The following ZNF19 variants were observed in gnomAD, a reference collection of about 807,000 sequenced individuals.
ZNF19 encodes zinc finger protein 19 (KOX 12).
A neutral mutation model predicts 13.1 loss-of-function variants in ZNF19; 11 were observed. That is an observed-to-expected ratio of 0.84 (90% confidence interval 0.53 to 1.39). The LOEUF is 1.39. Among genes scored for constraint, ZNF19 ranks in the 40% most tolerant of loss-of-function variants. ZNF19 has a pLI of 0.00. For synonymous variants in ZNF19, 186 were observed against 187.0 expected (o/e 0.99, Z 0.04); for missense variants, 560 against 547.0 (o/e 1.02, Z -0.24).
At chr16:71,476,358 AAG>A (rs1567569467) in intron 5 of ZNF19, 86 bp from the exon 6 acceptor site, 8 of 1,404,158 alleles carry the variant, frequency 5.7e-6, no homozygotes, top group Non-Finnish European at 7.6e-6. Context: ...AAGGCTTTAA[AAG>A]AGATCATTTC....
chr16:71,475,091 C>A lies in ZNF19; in HGVS notation c.*79G>T. On this transcript the variant is annotated 3_prime_UTR_variant, in exon 6 of 6. Transcript: ENST00000288177. ...TGTGGCTTGAGGGATGGATCAGAGG[C>A]TGAGTCAGGCCTGTGTCACACATTC... 6.9e-7 allele frequency: 1 copy of A among 1,447,116 alleles called. No individual in the cohort carries two copies. The highest frequency in any genetic ancestry group is 9.2e-7 in the Non-Finnish European group (1 of 1,088,432). 89.6% of individuals were successfully genotyped at this position (1,447,116 alleles called of 1,614,324 possible).
chr16:71,488,385 AGAAAT>A (rs1048158988), intron 1 of ZNF19, among the ~76,000 whole-genome samples: 6 of 151,750 alleles, frequency 4.0e-5, no homozygotes, highest in Non-Finnish European at 5.9e-5. Flanking sequence ...AAAAAGAAAA[AGAAAT>A]GAAATGAAAG....
At chr16:71,479,127 G>C (rs1474610975) in intron 3 of ZNF19, 122 bp from the exon 4 acceptor site, 1 of 1,385,884 alleles carries the variant, frequency 7.2e-7, no homozygotes, top group South Asian at 1.2e-5. Context: ...ATGAGAAAAT[G>C]TGACAGAACT....
In ZNF19 at chr16:71,482,218, C is replaced by T. The variant is rs2043641603; in HGVS notation, c.-29-75G>A. The T allele has an allele frequency of 2.8e-6, 4 of 1,404,896 alleles. No individual in the cohort carries two copies. The Admixed American group carries it at 5.8e-5, about 20-fold the overall frequency. The allele number at this position is 1,404,896 out of a possible 1,614,324, so 87.0% of individuals were successfully genotyped here. ...GCTCTCTTTAGAGCAATAAATTTGC[C>T]AATAGCAAGCAGCATTCACTTACTA... On this transcript the variant is annotated intron_variant, in intron 2 of 5. Coordinates refer to ENST00000288177, the MANE Select transcript of ZNF19 (RefSeq NM_006961.4).
In ZNF19 at chr16:71,475,119, T is replaced by C; in HGVS notation, c.*51A>G. 6.7e-7 allele frequency: 1 copy of C among 1,503,458 alleles called. No homozygotes were observed. The highest frequency in any genetic ancestry group is 8.9e-7 in the Non-Finnish European group (1 of 1,123,326). 93.1% of individuals were successfully genotyped at this position (1,503,458 alleles called of 1,614,324 possible). On this transcript the variant is annotated 3_prime_UTR_variant, in exon 6 of 6. Transcript: ENST00000288177. ...AGTCAGGCCTGTGTCACACATTCCA[T>C]TCCTGAGTAGAAGACGGAATCCACT...
intron 1 of ZNF19, among the ~76,000 whole-genome samples, chr16:71,487,720 T>G (rs1440936384): frequency 6.6e-6 from 1 of 152,184 alleles, no homozygotes; most frequent in African/African-American, 2.4e-5. Context: ...ATGGCATATT[T>G]ACTGTTACTT....
At chr16:71,481,925 G>T (rs1198117065) in intron 3 of ZNF19, among the ~76,000 whole-genome samples, 157 bp downstream of exon 3, 2 of 152,150 alleles carry the variant, frequency 1.3e-5, no homozygotes, top group Non-Finnish European at 2.9e-5. Flanking sequence ...CATCTTCACT[G>T]CCCCTAGCTC....
chr16:71,482,731 TCTCA>T (rs1164394949), intron 2 of ZNF19, among the ~76,000 whole-genome samples: 9 of 152,084 alleles, frequency 5.9e-5, no homozygotes, highest in African/African-American at 2.2e-4. Context: ...GAGACAAGAA[TCTCA>T]CTGTCACCTG....
chr16:71,482,844 G>C (rs563097819), intron 2 of ZNF19, among the ~76,000 whole-genome samples: 2 of 152,202 alleles, frequency 1.3e-5, no homozygotes, highest in Non-Finnish European at 2.9e-5. Flanking sequence ...TGGGATTACA[G>C]GCATGTGCCA....
intron 1 of ZNF19, among the ~76,000 whole-genome samples, chr16:71,485,799 T>C (rs373869948): frequency 1.3e-5 from 2 of 152,170 alleles, no homozygotes; most frequent in African/African-American, 2.4e-5. Flanking sequence ...TAAAATTAAA[T>C]AGGTTTTAGT....
chr16:71,482,198 C>G, intron 2 of ZNF19, 55 bp from the exon 3 acceptor site: 1 of 1,545,342 alleles, frequency 6.5e-7, no homozygotes, highest in Non-Finnish European at 8.9e-7. Flanking sequence ...AAAATGCTCT[C>G]TTTAGAGCAA....
At chr16:71,482,171 A>T in intron 2 of ZNF19, 28 bp from the exon 3 acceptor site, 1 of 1,609,324 alleles carries the variant, frequency 6.2e-7, no homozygotes, top group Non-Finnish European at 8.5e-7. Flanking sequence ...GAGAACCAAC[A>T]GTGAGCTCAG....
rs2145167984 is a variant in ZNF19, at chr16:71,478,552, G to A, written c.161-211C>T. The A allele has an allele frequency of 5.8e-6, 4 of 694,082 alleles. 1 individual carries two copies. In the South Asian group the frequency reaches 6.0e-5, roughly 10 times the overall value. The allele number at this position is 694,082 out of a possible 1,614,324, so 43.0% of individuals were successfully genotyped here. On this transcript the variant is annotated intron_variant, in intron 4 of 5. Coordinates refer to ENST00000288177, the MANE Select transcript of ZNF19 (RefSeq NM_006961.4). The stretch of plus-strand genomic sequence containing the variant: ...ATAAGTAAGTCAGTGAGATCCACAA[G>A]GCATGAGCAAACACAGGGAAGGGGA...
intron 1 of ZNF19, among the ~76,000 whole-genome samples, chr16:71,488,368 A>T (rs13330287): frequency 6.7e-6 from 1 of 149,544 alleles, no homozygotes; most frequent in South Asian, 2.1e-4. Context: ...AAAAAAAAAA[A>T]AAAAAGAAAA....
In ZNF19 at chr16:71,484,600, CAGAAAGCG is replaced by C; in HGVS notation, c.-49_-42del. On this transcript the variant is annotated 5_prime_UTR_variant, in exon 2 of 6. Transcript: ENST00000288177. ...ACCCCAACACTCACCTCAGGAAAAA[CAGAAAGCG>C]GTGCGTGAACGGAAGTGCGTCACTA... 1 of 985,470 alleles carries C rather than the reference CAGAAAGCG, an allele frequency of 1.0e-6. No homozygotes were observed. The highest frequency in any genetic ancestry group is 1.2e-6 in the Non-Finnish European group (1 of 829,972). 61.0% of individuals were successfully genotyped at this position (985,470 alleles called of 1,614,324 possible). A position where few individuals can be genotyped will look rare whatever the true frequency, so the allele number is the denominator to read the frequency against.
At chr16:71,481,204 A>G (rs2043635097) in intron 3 of ZNF19, among the ~76,000 whole-genome samples, 1 of 152,218 alleles carries the variant, frequency 6.6e-6, no homozygotes, top group South Asian at 2.1e-4. Flanking sequence ...TGGAAAAACC[A>G]GAAGAGGGTG....
chr16:71,478,193 G>A (rs1369251218), intron 5 of ZNF19, 35 bp downstream of exon 5: 46 of 1,438,648 alleles, frequency 3.2e-5, no homozygotes, highest in Admixed American at 5.2e-5. Flanking sequence ...TCCATAAAAC[G>A]CTACAATTGT....
chr16:71,486,288 G>A (rs2043677458), intron 1 of ZNF19, among the ~76,000 whole-genome samples: 1 of 152,072 alleles, frequency 6.6e-6, no homozygotes. Flanking sequence ...TTGAGCCTGG[G>A]AGGTCAAGGC....
chr16:71,484,867 T>C (rs760010615), intron 1 of ZNF19, 119 bp from the exon 2 acceptor site: 14 of 317,224 alleles, frequency 4.4e-5, no homozygotes, highest in African/African-American at 9.0e-5. Flanking sequence ...CTGTCACCGA[T>C]AGAAATCACA....
Sources: gnomAD v4.1 joint callset for allele counts (sites outside exome capture counted in the v4.1 genomes callset) on GRCh38, gnomAD v4.1.1 for gene constraint, MANE v1.5 for transcripts, NCBI Gene and HGNC (gene_info 2026-07-23, HGNC 2026-07-21) for gene names.